PDZK1: variants seen among roughly 807,000 people sequenced by gnomAD.
PDZK1 encodes Na(+)/H(+) exchange regulatory cofactor NHE-RF3.
PDZK1 carries 23 observed loss-of-function variants against 38.1 expected under a neutral mutation model. The observed-to-expected ratio is 0.60, with a 90% CI of 0.43 to 0.85. The LOEUF is 0.85. Among genes scored for constraint, PDZK1 ranks in the 40% least tolerant of loss-of-function variants. The pLI, the probability that PDZK1 is intolerant of heterozygous loss-of-function variation, is 0.00. For synonymous variants in PDZK1, 98 were observed against 186.2 expected, an observed-to-expected ratio of 0.53 and a Z score of 3.86; for missense variants, 297 against 504.3, an observed-to-expected ratio of 0.59 and a Z score of 3.94.
intron 1 of PDZK1, among the ~76,000 whole-genome samples, chr1:145,704,937 C>A (rs1178665209): frequency 6.6e-6 from 1 of 152,194 alleles, no homozygotes; most frequent in Admixed American, 6.5e-5. Flanking sequence ...TGCATCTATT[C>A]TTCTAGCTCC....
chr1:145,689,037 G>A (rs1655031772), intron 1 of PDZK1, among the ~76,000 whole-genome samples: 1 of 152,124 alleles, frequency 6.6e-6, no homozygotes, highest in Non-Finnish European at 1.5e-5. Flanking sequence ...GGCCCCTGAA[G>A]TCTCTAGCCA....
At chr1:145,675,908 C>G (rs587701269) in intron 6 of PDZK1, among the ~76,000 whole-genome samples, 2 of 152,014 alleles carry the variant, frequency 1.3e-5, no homozygotes, top group African/African-American at 4.8e-5. Context: ...GTCCCAGCTA[C>G]TTGAGAGACT....
intron 1 of PDZK1, among the ~76,000 whole-genome samples, chr1:145,699,804 A>G (rs79696587): frequency 6.8e-4 from 104 of 152,310 alleles, no homozygotes; most frequent in African/African-American, 2.2e-3. Context: ...TTTAGAGCCA[A>G]ACCTAGTTTT....
rs1202752605 is a variant in PDZK1, at chr1:145,671,475, G to A, written c.1521C>T (p.Ala507=). 5.1e-6 allele frequency: 8 copies of A among 1,569,134 alleles called. No individual in the cohort carries two copies. The highest frequency in any genetic ancestry group is 6.1e-6 in the Non-Finnish European group (7 of 1,143,848). ...CTTCAGAATTGGAAGAAGAATGTGA[G>A]GCTGTACTGTGGGCCTGTGTATAAG... ...HMAKERAHST[A]SHSSSNSEDT... Residue 507 remains alanine (A), a synonymous_variant, in exon 9 of 9, where the codon GCC becomes GCT. Transcript: ENST00000417171.
chr1:145,702,247 T>C (rs1346668943), intron 1 of PDZK1, among the ~76,000 whole-genome samples: 1 of 152,114 alleles, frequency 6.6e-6, no homozygotes, highest in East Asian at 1.9e-4. Flanking sequence ...CAATACTTTG[T>C]CCTATATGGC....
intron 1 of PDZK1, among the ~76,000 whole-genome samples, chr1:145,690,598 CAA>C (rs1655163940): frequency 6.6e-6 from 1 of 152,160 alleles, no homozygotes; most frequent in South Asian, 2.1e-4. Flanking sequence ...ATGTTTTCAT[CAA>C]GAGATGAGGC....
At chr1:145,684,573 A>T (rs1553701264) in intron 3 of PDZK1, among the ~76,000 whole-genome samples, 1 of 152,186 alleles carries the variant, frequency 6.6e-6, no homozygotes, top group African/African-American at 2.4e-5. Flanking sequence ...TCATATTTTG[A>T]TACCAAGAGC....
intron 1 of PDZK1, among the ~76,000 whole-genome samples, chr1:145,696,556 C>T (rs1367349236): frequency 6.6e-6 from 1 of 152,118 alleles, no homozygotes; most frequent in African/African-American, 2.4e-5. Flanking sequence ...GAGAATAAAG[C>T]CATGTGAGGA....
chr1:145,687,889 C>T lies in PDZK1; in HGVS notation c.133G>A (p.Glu45Lys). ...TCTCCATCTTGAAGGCCAGCCTTCT[C>T]TGCTGGGCTACACTTCTCAACCACC... is the stretch of plus-strand genomic sequence containing the variant. ...VRVVEKCSPA[E>K]KAGLQDGDRV... The change falls in exon 2 of 9, where the codon GAG (glutamate) becomes AAG (lysine). Residue 45 changes from glutamate to lysine, a missense_variant. Physicochemically the swap from Glu to Lys is moderately conservative, Grantham distance 56. Transcript: ENST00000417171. The T allele has an allele frequency of 6.2e-7, 1 of 1,613,908 alleles. No homozygotes were observed. Among genetic ancestry groups the T allele is most frequent in the Non-Finnish European group, 8.5e-7 (1 of 1,179,928 alleles).
At chr1:145,690,648 A>T (rs1553702957) in intron 1 of PDZK1, among the ~76,000 whole-genome samples, 1 of 152,150 alleles carries the variant, frequency 6.6e-6, no homozygotes, top group African/African-American at 2.4e-5. Flanking sequence ...TTTCTAAGGC[A>T]CTCACACCCA....
chr1:145,681,320 T>C (rs1465314849), intron 4 of PDZK1, among the ~76,000 whole-genome samples: 2 of 146,828 alleles, frequency 1.4e-5, no homozygotes, highest in Non-Finnish European at 3.0e-5. Context: ...TGTCACTCTT[T>C]CGCCCAGGCT....
intron 8 of PDZK1, 93 bp downstream of exon 8, chr1:145,672,637 A>G (rs1571566017): frequency 6.0e-6 from 9 of 1,492,904 alleles, no homozygotes; most frequent in East Asian, 2.3e-5. Context: ...TTTTAAAAAA[A>G]TCTGTGGCAA....
chr1:145,698,793 G>A (rs1553704578), intron 1 of PDZK1, among the ~76,000 whole-genome samples: 1 of 151,990 alleles, frequency 6.6e-6, no homozygotes, highest in East Asian at 1.9e-4. Context: ...TTAGCCAGGT[G>A]TGGTGGCAGG....
chr1:145,688,946 G>C, intron 1 of PDZK1, among the ~76,000 whole-genome samples: 1 of 152,190 alleles, frequency 6.6e-6, no homozygotes, highest in East Asian at 1.9e-4. Context: ...GCAATAGAGT[G>C]AGACTCTGCC....
At chr1:145,680,099 G>C (rs1160190671) in intron 5 of PDZK1, among the ~76,000 whole-genome samples, 2 of 152,002 alleles carry the variant, frequency 1.3e-5, no homozygotes, top group Non-Finnish European at 2.9e-5. Flanking sequence ...CTCTAACGTT[G>C]AATTATCACA....
At chr1:145,690,485 T>C (rs1655149434) in intron 1 of PDZK1, among the ~76,000 whole-genome samples, 1 of 152,154 alleles carries the variant, frequency 6.6e-6, no homozygotes, top group African/African-American at 2.4e-5. Context: ...AAACAAAACA[T>C]GCAAAGCCCT....
intron 3 of PDZK1, among the ~76,000 whole-genome samples, chr1:145,684,362 C>T (rs1654560388): frequency 6.6e-6 from 1 of 152,084 alleles, no homozygotes; most frequent in South Asian, 2.1e-4. Context: ...GCGCCCACCA[C>T]CACACCCGGC....
At chr1:145,684,487 C>T (rs1398679058) in intron 3 of PDZK1, among the ~76,000 whole-genome samples, 3 of 151,078 alleles carry the variant, frequency 2.0e-5, no homozygotes, top group Admixed American at 6.6e-5. Context: ...GGATTACAGG[C>T]GTGAGCCACT....
intron 3 of PDZK1, among the ~76,000 whole-genome samples, chr1:145,684,215 T>TC (rs1158234834): frequency 2.0e-5 from 3 of 148,034 alleles, no homozygotes; most frequent in Non-Finnish European, 1.5e-5. Context: ...GGCTTTTTTT[T>TC]TTTTTTTTTT....
Sources: gnomAD v4.1 joint callset for allele counts (sites outside exome capture counted in the v4.1 genomes callset) on GRCh38, gnomAD v4.1.1 for gene constraint, MANE v1.5 for transcripts, NCBI Gene and HGNC (gene_info 2026-07-23, HGNC 2026-07-21) for gene names.